The following ROBO2 variants were observed in gnomAD, a reference collection of about 807,000 sequenced individuals.
ROBO2 encodes roundabout guidance receptor 2, also known as roundabout homolog 2.
In ROBO2, 53 loss-of-function variants were observed where a neutral mutation model predicts 160.8. That is an observed-to-expected ratio of 0.33 (90% confidence interval 0.26 to 0.41). The LOEUF (loss-of-function observed/expected upper bound fraction) is 0.41, where lower values mean the gene tolerates loss of function less well. ROBO2 is among the 10% of genes least tolerant of loss of function. ROBO2 has a pLI of 1.00. For synonymous variants in ROBO2, 664 were observed against 611.7 expected, an observed-to-expected ratio of 1.09 and a Z score of -1.26; for missense variants, 1,577 against 1,722.4, an observed-to-expected ratio of 0.92 and a Z score of 1.49.
intron 2 of ROBO2, among the ~76,000 whole-genome samples, chr3:77,227,161 C>G (rs140811677): frequency 1.3e-5 from 2 of 151,922 alleles, no homozygotes; most frequent in East Asian, 1.9e-4. Context: ...ACAAAGGTAC[C>G]TTTTCTTAGT....
chr3:77,607,742 G>A, intron 20 of ROBO2, 56 bp from the exon 22 acceptor site: 3 of 1,504,814 alleles, frequency 2.0e-6, no homozygotes, highest in East Asian at 2.3e-5. Context: ...GCCATCTGAT[G>A]TATTCTCTTT....
intron 2 of ROBO2, among the ~76,000 whole-genome samples, chr3:76,120,836 TG>T (rs2070721335): frequency 6.6e-6 from 1 of 152,190 alleles, no homozygotes; most frequent in South Asian, 2.1e-4. Flanking sequence ...TCCTAAGCTG[TG>T]TAAGGTATTG....
At chr3:75,995,657 C>T (rs567134445) in intron 2 of ROBO2, among the ~76,000 whole-genome samples, 1 of 152,086 alleles carries the variant, frequency 6.6e-6, no homozygotes, top group South Asian at 2.1e-4. Context: ...GTCCTCCAGA[C>T]CCCAGAATGG....
intron 2 of ROBO2, among the ~76,000 whole-genome samples, chr3:76,665,859 G>T (rs187810153): frequency 1.4e-5 from 2 of 141,382 alleles, no homozygotes; most frequent in African/African-American, 2.7e-5. Flanking sequence ...GTGATTGTAC[G>T]TGTATGTATA....
intron 2 of ROBO2, among the ~76,000 whole-genome samples, chr3:77,316,250 A>G (rs143125764): frequency 4.1e-4 from 62 of 152,278 alleles, no homozygotes; most frequent in Non-Finnish European, 7.5e-4. Context: ...CAGTGACCAC[A>G]CCCTGCAGAC....
rs533170540 is a variant in ROBO2, at chr3:77,204,052, A to T, written c.388+105712A>T. 9.8e-5 allele frequency among the ~76,000 whole-genome samples: 15 copies of T among 152,304 alleles called. No individual in the cohort carries two copies. In the South Asian group the frequency reaches 3.1e-3, roughly 32 times the overall value. On this transcript the variant is annotated intron_variant, in intron 2 of 25. Coordinates refer to ENST00000461745, the Ensembl canonical transcript of ROBO2. ...CTCATGAACACAACTTACAGAGGAGATAAATGTGCTTTATAGTAGAAAGTA... is the reference window on the plus strand; with the variant it reads ...CTCATGAACACAACTTACAGAGGAGTTAAATGTGCTTTATAGTAGAAAGTA...
chr3:76,110,041 A>G (rs150480271), intron 2 of ROBO2, among the ~76,000 whole-genome samples: 2,620 of 149,424 alleles, frequency 0.018, 59 homozygotes, highest in Admixed American at 0.05. Context: ...ATGTGTGTGT[A>G]TATATATATA....
intron 2 of ROBO2, among the ~76,000 whole-genome samples, chr3:76,997,751 T>C (rs1235309315): frequency 2.6e-5 from 4 of 152,180 alleles, no homozygotes; most frequent in Non-Finnish European, 4.4e-5. Context: ...GCATAAGTAT[T>C]GACAACAAAA....
intron 2 of ROBO2, among the ~76,000 whole-genome samples, chr3:76,747,212 A>G (rs1039845789): frequency 1.3e-5 from 2 of 152,138 alleles, no homozygotes; most frequent in Admixed American, 6.6e-5. Context: ...ATATGTGTAA[A>G]AGCAAACAAC....
intron 2 of ROBO2, among the ~76,000 whole-genome samples, chr3:76,237,918 C>T (rs1046891061): frequency 1.3e-5 from 2 of 152,020 alleles, no homozygotes; most frequent in African/African-American, 2.4e-5. Flanking sequence ...AAAGGCATAC[C>T]GAAGAGAGGC....
intron 2 of ROBO2, among the ~76,000 whole-genome samples, chr3:76,140,369 T>C (rs146011865): frequency 1.3e-5 from 2 of 152,172 alleles, no homozygotes; most frequent in East Asian, 3.9e-4. Flanking sequence ...TTAAGGATAA[T>C]AATAGCTAGG....
intron 2 of ROBO2, among the ~76,000 whole-genome samples, chr3:76,668,880 G>T (rs752414053): frequency 1.3e-5 from 2 of 152,106 alleles, no homozygotes; most frequent in Non-Finnish European, 2.9e-5. Flanking sequence ...GCTGACTGCA[G>T]CGGTTGGGGT....
chr3:77,081,500 C>CA (rs2068655257), intron 1 of ROBO2, among the ~76,000 whole-genome samples: 2 of 152,046 alleles, frequency 1.3e-5, no homozygotes, highest in South Asian at 4.1e-4. Context: ...ATGAGCTGGG[C>CA]AAAAATGGAA....
chr3:76,385,981 A>T (rs971452231), intron 2 of ROBO2, among the ~76,000 whole-genome samples: 1 of 152,190 alleles, frequency 6.6e-6, no homozygotes, highest in African/African-American at 2.4e-5. Flanking sequence ...GAATGATCTG[A>T]TACTAATTAA....
intron 2 of ROBO2, among the ~76,000 whole-genome samples, chr3:76,536,215 C>A (rs550423830): frequency 6.6e-6 from 1 of 152,150 alleles, no homozygotes; most frequent in African/African-American, 2.4e-5. Flanking sequence ...TGTCTTACAG[C>A]GGAGGCAAGC....
intron 2 of ROBO2, among the ~76,000 whole-genome samples, chr3:76,006,100 A>G (rs2066013501): frequency 6.6e-6 from 1 of 152,138 alleles, no homozygotes; most frequent in African/African-American, 2.4e-5. Context: ...TTAGACATCC[A>G]ATACAGAGGT....
chr3:76,340,232 T>A (rs1200854550), intron 2 of ROBO2, among the ~76,000 whole-genome samples: 1 of 152,186 alleles, frequency 6.6e-6, no homozygotes, highest in Non-Finnish European at 1.5e-5. Flanking sequence ...AGCAATTGCA[T>A]ATTATTCTAA....
At position 76,591,445 on chromosome 3, in the gene ROBO2, T is replaced by C. The variant is rs1190090936; in HGVS notation, c.110-506569T>C. Among the ~76,000 whole-genome samples, 7 of 152,162 alleles carry C rather than the reference T, an allele frequency of 4.6e-5. No individual in the cohort carries two copies. The East Asian group carries it at 1.3e-3, about 29-fold the overall frequency. On this transcript the variant is annotated intron_variant, in intron 2 of 26. Transcript: ENST00000487694. Reference sequence around the variant, plus strand: ...TGTAATAAAAAAGATCAGTGATGTCTAAGCCATAGATACTTCTAATATTTC... The same window carrying C: ...TGTAATAAAAAAGATCAGTGATGTCCAAGCCATAGATACTTCTAATATTTC...
intron 2 of ROBO2, among the ~76,000 whole-genome samples, chr3:76,306,040 A>G (rs887356177): frequency 5.3e-5 from 8 of 152,046 alleles, no homozygotes; most frequent in East Asian, 1.9e-4. Flanking sequence ...CACTCTTTCA[A>G]CCTTGCTGTG....
Sources: allele counts gnomAD v4.1 joint callset (sites outside exome capture counted in the v4.1 genomes callset), GRCh38; gene constraint gnomAD v4.1.1; transcripts MANE v1.5; gene names NCBI Gene and HGNC (gene_info 2026-07-23, HGNC 2026-07-21).